Variants in BDP1 observed in about 807,000 individuals in gnomAD.
BDP1 encodes the protein BDP1 general transcription factor IIIB subunit, also known as transcription factor TFIIIB component B'' homolog.
Under a neutral mutation model 266.6 loss-of-function variants are expected in BDP1, and 169 were observed. The ratio of observed to expected loss-of-function variants is 0.63; its 90% CI spans 0.56 to 0.72. The LOEUF (loss-of-function observed/expected upper bound fraction) is 0.72. Ranked by LOEUF, BDP1 falls within the 30% of genes least tolerant of loss-of-function variation. BDP1 has a pLI of 0.00. For missense variants in BDP1, 3,015 were observed against 3,053.8 expected, an observed-to-expected ratio of 0.99 and a Z score of 0.30; for synonymous variants, 1,090 against 1,022.4, an observed-to-expected ratio of 1.07 and a Z score of -1.26.
intron 7 of BDP1, among the ~76,000 whole-genome samples, chr5:71,478,301 T>G (rs1313042979): frequency 2.0e-5 from 3 of 150,530 alleles, no homozygotes; most frequent in Admixed American, 6.6e-5. Flanking sequence ...TCTCTCTACA[T>G]ATAGATATAT....
Position 71,464,130 on chromosome 5 carries a change from TTTTTGA to T in BDP1, c.659+14_659+19del. The T allele has an allele frequency of 6.7e-7, 1 of 1,483,560 alleles. No homozygotes were observed. The highest frequency in any genetic ancestry group is 1.2e-5 in the South Asian group (1 of 80,952). The allele number at this position is 1,483,560 out of a possible 1,614,324, so 91.9% of individuals were successfully genotyped here. On this transcript the variant is annotated intron_variant, in intron 4 of 38. Transcript: ENST00000358731. Reference sequence around the variant, plus strand: ...TCCAGACAAGAGAGTAAGTATTTTATTTTTGAATATATTCTATTCCTACATTTTTTA... The same window carrying T: ...TCCAGACAAGAGAGTAAGTATTTTATATATATTCTATTCCTACATTTTTTA...
At chr5:71,479,713 A>AT (rs1762823455) in intron 7 of BDP1, among the ~76,000 whole-genome samples, 3 of 150,174 alleles carry the variant, frequency 2.0e-5, no homozygotes, top group Admixed American at 2.0e-4. Flanking sequence ...CGCCCGGCTA[A>AT]TTTTTTGTAT....
Position 71,562,504 on chromosome 5 carries a change from G to A in BDP1, c.7727G>A (p.Ser2576Asn). 1 of 1,613,672 alleles carries A rather than the reference G, an allele frequency of 6.2e-7. No individual in the cohort carries two copies. The highest frequency in any genetic ancestry group is 8.5e-7 in the Non-Finnish European group (1 of 1,179,826). Residue 2576 changes from serine (S) to asparagine (N), a missense_variant, in exon 38 of 39, where the codon AGC becomes AAC. Transcript: ENST00000358731. ...SVITTQSENI[S>N]SSATQVSCDQ... is the part of the protein sequence containing the mutation. ...ATTACTACTCAATCTGAGAATATTA[G>A]CAGCTCAGCAACTCAGGTATGTGAT... is the stretch of plus-strand genomic sequence containing the variant.
At chr5:71,525,368 T>C (rs1352847651) in intron 25 of BDP1, among the ~76,000 whole-genome samples, 5 of 133,972 alleles carry the variant, frequency 3.7e-5, no homozygotes, top group Middle Eastern at 4.1e-3. Flanking sequence ...ACCTCCCGGA[T>C]GGGGCGGCTG....
At chr5:71,478,175 G>T (rs531386109) in intron 7 of BDP1, among the ~76,000 whole-genome samples, 1 of 152,068 alleles carries the variant, frequency 6.6e-6, no homozygotes, top group Non-Finnish European at 1.5e-5. Flanking sequence ...GCTTGAACCC[G>T]GGAGGTGGAG....
At chr5:71,460,349 C>A (rs1054505814) in intron 2 of BDP1, among the ~76,000 whole-genome samples, 9 of 152,110 alleles carry the variant, frequency 5.9e-5, no homozygotes, top group African/African-American at 1.9e-4. Context: ...CATTGCACTC[C>A]AGCATGAGTG....
intron 26 of BDP1, among the ~76,000 whole-genome samples, chr5:71,536,988 C>T (rs1414288616): frequency 6.6e-6 from 1 of 151,474 alleles, no homozygotes; most frequent in Non-Finnish European, 1.5e-5. Context: ...ATCAGCCGGG[C>T]ATGGTGGCAC....
intron 25 of BDP1, among the ~76,000 whole-genome samples, chr5:71,527,643 T>G (rs1171986352): frequency 6.6e-6 from 1 of 152,166 alleles, no homozygotes; most frequent in Non-Finnish European, 1.5e-5. Flanking sequence ...GTGTGTATCA[T>G]GTTTTGTTTA....
intron 25 of BDP1, among the ~76,000 whole-genome samples, chr5:71,530,764 G>A (rs1205760069): frequency 6.6e-6 from 1 of 152,118 alleles, no homozygotes; most frequent in African/African-American, 2.4e-5. Flanking sequence ...AACAGATGTG[G>A]TACATACAAA....
intron 6 of BDP1, 146 bp downstream of exon 6, chr5:71,467,633 C>A: frequency 1.5e-6 from 1 of 687,766 alleles, no homozygotes; most frequent in East Asian, 2.7e-5. Context: ...TATCTTATGC[C>A]CTCCATGGAA....
At position 71,502,189 on chromosome 5, in the gene BDP1, C is replaced by CT. The variant is rs70992970; in HGVS notation, c.2049-395dup. Reference sequence around the variant, plus strand: ...GGATTATGTCTTTTTTTTTCTCTCTCTTTTTTTTTTTTTTTGAGATGGAAT... The same window carrying CT: ...GGATTATGTCTTTTTTTTTCTCTCTCTTTTTTTTTTTTTTTTGAGATGGAAT... On this transcript the variant is annotated intron_variant, in intron 14 of 38. Coordinates refer to ENST00000358731, the MANE Select transcript of BDP1 (RefSeq NM_018429.3). 1.8e-3 allele frequency among the ~76,000 whole-genome samples: 242 copies of CT among 135,478 alleles called. 1 individual carries two copies. The highest frequency in any genetic ancestry group is 2.0e-3 in the Non-Finnish European group (128 of 62,960). 88.9% of individuals were successfully genotyped at this position (135,478 alleles called of 152,430 possible).
Position 71,544,724 on chromosome 5 carries a change from C to CA in BDP1, c.6563+223dup, listed in dbSNP as rs1311271429. Among the ~76,000 whole-genome samples the CA allele has an allele frequency of 7.9e-5, 12 of 151,482 alleles. No individual in the cohort carries two copies. The South Asian group carries it at 2.3e-3, about 29-fold the overall frequency. On this transcript the variant is annotated intron_variant, in intron 31 of 38. Coordinates refer to ENST00000358731, the MANE Select transcript of BDP1 (RefSeq NM_018429.3). ...GAAACCCCGTCTCTACTAAAAAATA[C>CA]AAAAAATTAGCCGGGCGTGGTGGCG...
At chr5:71,490,395 G>A (rs887186337) in intron 10 of BDP1, among the ~76,000 whole-genome samples, 4 of 152,216 alleles carry the variant, frequency 2.6e-5, no homozygotes, top group African/African-American at 4.8e-5. Flanking sequence ...GAGTCATTAC[G>A]TATAATGCAG....
In BDP1 at chr5:71,553,267, GC is replaced by G. The variant is rs1742983919; in HGVS notation, c.7149del (p.Lys2385AsnfsTer6). 2 of 1,612,978 alleles carry G rather than the reference GC, an allele frequency of 1.2e-6. No individual in the cohort carries two copies. Among genetic ancestry groups the G allele is most frequent in the Non-Finnish European group, 1.7e-6 (2 of 1,179,912 alleles). On this transcript the variant is annotated frameshift_variant, in exon 35 of 39. Transcript: ENST00000358731. LOFTEE classifies it high-confidence loss of function. ...TGATAAAAATGACCACATTCCTCCT[GC>G]CAAAAAACGTTCACTCACTTTAAGA... ...RLDKNDHIPP[A>X]KKRSLTLRDD...
At chr5:71,520,477 CAG>C (rs1765440127) in intron 22 of BDP1, among the ~76,000 whole-genome samples, 1 of 152,100 alleles carries the variant, frequency 6.6e-6, no homozygotes, top group African/African-American at 2.4e-5. Flanking sequence ...TGATTGATCT[CAG>C]AGCAATTTAA....
chr5:71,479,853 TTTC>T (rs1762833795), intron 7 of BDP1, among the ~76,000 whole-genome samples: 1 of 152,108 alleles, frequency 6.6e-6, no homozygotes, highest in South Asian at 2.1e-4. Flanking sequence ...GCCTTGACTT[TTTC>T]TTTTCTTTTC....
At chr5:71,577,851 A>G in the BDP1 span, among the ~76,000 whole-genome samples, 3 of 152,174 alleles carry the variant, frequency 2.0e-5, no homozygotes, top group Admixed American at 6.5e-5. Context: ...TGGACTGCCA[A>G]TCGGAGAATG....
At chr5:71,536,471 A>G (rs903854515) in intron 26 of BDP1, among the ~76,000 whole-genome samples, 2 of 152,236 alleles carry the variant, frequency 1.3e-5, no homozygotes, top group Admixed American at 6.5e-5. Context: ...CCAAAGATTT[A>G]TAGAGTGCAT....
In BDP1 at chr5:71,510,510, G is replaced by A. The variant is rs200047498; in HGVS notation, c.3418G>A (p.Glu1140Lys). The stretch of plus-strand genomic sequence containing the variant: ...ACCAGAGGTGATTGATGCCACTGAG[G>A]AAATAGACAAAGATCTGGAAGAAAC... ...KTPEVIDATE[E>K]IDKDLEETGR... is the part of the protein sequence containing the mutation. The change falls in exon 17 of 39, where the codon GAA (glutamate) becomes AAA (lysine). Residue 1140 changes from glutamate to lysine, a missense_variant. Coordinates refer to ENST00000358731, the MANE Select transcript of BDP1 (RefSeq NM_018429.3). 1.4e-5 allele frequency: 23 copies of A among 1,613,818 alleles called. No individual in the cohort carries two copies. The highest frequency in any genetic ancestry group is 1.9e-5 in the Non-Finnish European group (22 of 1,179,992).
Sources: allele counts gnomAD v4.1 joint callset (sites outside exome capture counted in the v4.1 genomes callset), GRCh38; gene constraint gnomAD v4.1.1; transcripts MANE v1.5; gene names NCBI Gene and HGNC (gene_info 2026-07-23, HGNC 2026-07-21).